The following MAP4 variants were observed in gnomAD, a reference collection of about 807,000 sequenced individuals.
MAP4 encodes the protein microtubule associated protein 4.
In MAP4, 76 loss-of-function variants were observed where a neutral mutation model predicts 170.2. The ratio of observed to expected loss-of-function variants is 0.45; its 90% confidence interval spans 0.37 to 0.54. The LOEUF is 0.54. MAP4 is among the 20% of genes least tolerant of loss of function. The pLI is 0.00. For synonymous variants in MAP4, 909 were observed against 994.5 expected (o/e 0.91, Z 1.62); for missense variants, 2,506 against 2,748.0 (o/e 0.91, Z 1.97).
intron 10 of MAP4, among the ~76,000 whole-genome samples, chr3:47,882,106 C>T (rs1463394887): frequency 1.3e-5 from 2 of 152,034 alleles, no homozygotes; most frequent in Non-Finnish European, 2.9e-5. Flanking sequence ...GGGTGAAACC[C>T]CATCTCTACT....
rs937668929 is a variant in MAP4, at chr3:47,910,393, T to A, written c.4028A>T (p.Glu1343Val). 11 of 1,536,866 alleles carry A rather than the reference T, an allele frequency of 7.2e-6. No homozygotes were observed. In the African/African-American group the frequency reaches 1.5e-4, roughly 21 times the overall value. Residue 1343 changes from glutamate to valine, a missense_variant, in exon 9 of 21, where the codon GAG (glutamate) becomes GTG (valine). Physicochemically the swap from Glu to Val is moderately radical, Grantham distance 121. Transcript: ENST00000683076. ...TCTATTGGCTGCATCTGTCTTATTC[T>A]CCTCAGATACTACTGAAGGAACAAA... The part of the protein sequence containing the change: ...AGFVPSVVSE[E>V]NKTDAANRYT...
chr3:48,029,155 A>G (rs1430223853), intron 1 of MAP4, among the ~76,000 whole-genome samples: 4 of 150,400 alleles, frequency 2.7e-5, no homozygotes, highest in African/African-American at 9.8e-5. Flanking sequence ...AAAATTAAAT[A>G]AGCCAGGTGG....
At chr3:47,903,309 G>A (rs1049897088) in intron 9 of MAP4, among the ~76,000 whole-genome samples, 6 of 152,120 alleles carry the variant, frequency 3.9e-5, no homozygotes, top group Non-Finnish European at 8.8e-5. Flanking sequence ...CAAGGCGGGC[G>A]GATCACGAGG....
chr3:48,032,256 G>A (rs2100116540), intron 1 of MAP4, among the ~76,000 whole-genome samples: 1 of 152,088 alleles, frequency 6.6e-6, no homozygotes, highest in Non-Finnish European at 1.5e-5. Flanking sequence ...ATGAACTTTA[G>A]TTAATAATAA....
intron 4 of MAP4, 146 bp from the exon 5 acceptor site, chr3:47,922,024 T>C (rs1297091078): frequency 9.1e-6 from 5 of 550,906 alleles, no homozygotes; most frequent in Non-Finnish European, 1.6e-5. Flanking sequence ...CTTGGTTCAC[T>C]GCAACCTCTA....
chr3:48,043,338 T>C (rs1349507053), intron 1 of MAP4, among the ~76,000 whole-genome samples: 2 of 152,280 alleles, frequency 1.3e-5, no homozygotes, highest in East Asian at 1.9e-4. Flanking sequence ...TGGCCTCAAG[T>C]GATCTACCTG....
chr3:47,984,100 T>TG (rs1309017105), intron 2 of MAP4, among the ~76,000 whole-genome samples: 1 of 151,878 alleles, frequency 6.6e-6, no homozygotes, highest in Admixed American at 6.6e-5. Flanking sequence ...ACTTTCTCCC[T>TG]GCCTTTCCTC....
chr3:47,857,040 G>T (rs1038645696), intron 18 of MAP4, among the ~76,000 whole-genome samples: 2 of 152,210 alleles, frequency 1.3e-5, no homozygotes, highest in African/African-American at 2.4e-5. Context: ...AGCACCCTTT[G>T]CTCCTGCATC....
chr3:48,009,243 G>C (rs1381688567), intron 1 of MAP4, among the ~76,000 whole-genome samples: 2 of 152,130 alleles, frequency 1.3e-5, no homozygotes, highest in Non-Finnish European at 2.9e-5. Context: ...TAGGATTACA[G>C]GCACCCGCCA....
At chr3:47,919,289 T>TA (rs2100041447) in intron 5 of MAP4, among the ~76,000 whole-genome samples, 1 of 151,854 alleles carries the variant, frequency 6.6e-6, no homozygotes, top group African/African-American at 2.4e-5. Flanking sequence ...CACAGACTAA[T>TA]AAAAAACAAT....
chr3:47,906,041 T>C (rs1425696681), intron 9 of MAP4, among the ~76,000 whole-genome samples: 1 of 147,176 alleles, frequency 6.8e-6, no homozygotes, highest in Non-Finnish European at 1.5e-5. Flanking sequence ...ACAAAATCTA[T>C]GCCATGAAAT....
chr3:47,858,619 GTT>G (rs1491430822), intron 17 of MAP4, among the ~76,000 whole-genome samples: 2 of 125,188 alleles, frequency 1.6e-5, no homozygotes, highest in African/African-American at 3.6e-5. Flanking sequence ...GTGTGTGCGC[GTT>G]GTGTGTGTGT....
intron 1 of MAP4, among the ~76,000 whole-genome samples, chr3:48,075,789 C>T (rs1477861669): frequency 1.3e-5 from 2 of 151,386 alleles, no homozygotes; most frequent in Non-Finnish European, 2.9e-5. Flanking sequence ...GCCTGGCCAA[C>T]ATGGTGAAAC....
At chr3:47,969,160 C>T (rs975054927) in intron 3 of MAP4, among the ~76,000 whole-genome samples, 1 of 152,222 alleles carries the variant, frequency 6.6e-6, no homozygotes, top group Non-Finnish European at 1.5e-5. Context: ...GTAATCCCAG[C>T]ACTTTGGGAG....
chr3:47,904,941 A>G (rs1486525612), intron 9 of MAP4, among the ~76,000 whole-genome samples: 2 of 152,242 alleles, frequency 1.3e-5, no homozygotes, highest in Non-Finnish European at 2.9e-5. Flanking sequence ...AAGTGCTGGG[A>G]CTACAGGTGT....
chr3:47,898,879 C>T (rs562276253), intron 10 of MAP4, among the ~76,000 whole-genome samples: 1 of 152,092 alleles, frequency 6.6e-6, no homozygotes, highest in South Asian at 2.1e-4. Context: ...TCACTTAAAC[C>T]TAAGAGTCTG....
chr3:47,914,887 A>G lies in MAP4; in HGVS notation c.1929T>C (p.Ser643=). ...TCCTTTCCCCTAGTTTTTCTAACAC[A>G]GAATCCTCCTCGGCCGGCAAGCTGC... ...KKCSLPAEED[S]VLEKLGERKP... Residue 643 remains serine (S), a synonymous_variant, in exon 8 of 21, where the codon TCT becomes TCC. Coordinates refer to ENST00000683076, the MANE Select transcript of MAP4 (RefSeq NM_001385682.1). 1 of 1,614,190 alleles carries G rather than the reference A, an allele frequency of 6.2e-7. No homozygotes were observed. The highest frequency in any genetic ancestry group is 8.5e-7 in the Non-Finnish European group (1 of 1,180,040).
At chr3:47,902,416 C>T (rs527529637) in intron 10 of MAP4, among the ~76,000 whole-genome samples, 1 of 152,166 alleles carries the variant, frequency 6.6e-6, no homozygotes, top group African/African-American at 2.4e-5. Context: ...TGGCTCATGC[C>T]TGTAGTCCCA....
intron 1 of MAP4, among the ~76,000 whole-genome samples, chr3:48,029,819 G>A (rs1412117537): frequency 6.6e-6 from 1 of 151,636 alleles, no homozygotes; most frequent in African/African-American, 2.4e-5. Context: ...CTAACACGGT[G>A]AAACCCCGTC....
Sources: allele counts gnomAD v4.1 joint callset (sites outside exome capture counted in the v4.1 genomes callset), GRCh38; gene constraint gnomAD v4.1.1; transcripts MANE v1.5; gene names NCBI Gene and HGNC (gene_info 2026-07-23, HGNC 2026-07-21).